SRPK1: variants seen among roughly 807,000 people sequenced by gnomAD.
SRPK1 encodes the protein SFRS protein kinase 1.
Under a neutral mutation model 89.5 loss-of-function variants are expected in SRPK1, and 52 were observed. That is an observed-to-expected ratio of 0.58 (90% CI 0.46 to 0.73). The LOEUF is 0.73. SRPK1 is among the 30% of genes least tolerant of loss of function. SRPK1 has a pLI of 0.00. For missense variants in SRPK1, 603 were observed against 780.6 expected (o/e 0.77, Z 2.71); for synonymous variants, 255 against 270.2 (o/e 0.94, Z 0.55).
At chr6:35,910,930 T>C (rs1770946896) in intron 2 of SRPK1, among the ~76,000 whole-genome samples, 1 of 152,224 alleles carries the variant, frequency 6.6e-6, no homozygotes, top group South Asian at 2.1e-4. Context: ...TTTGAAAATA[T>C]TACTGCTCAT....
intron 15 of SRPK1, among the ~76,000 whole-genome samples, chr6:35,837,265 T>C (rs1218181737): frequency 1.3e-5 from 2 of 152,192 alleles, no homozygotes; most frequent in South Asian, 2.1e-4. Flanking sequence ...GTCACTGGGA[T>C]GCAAAGATGA....
At chr6:35,859,094 A>G (rs545224142) in intron 12 of SRPK1, among the ~76,000 whole-genome samples, 1 of 152,246 alleles carries the variant, frequency 6.6e-6, no homozygotes, top group Non-Finnish European at 1.5e-5. Flanking sequence ...AGCTGAGGAT[A>G]GCCTTAGAGT....
At chr6:35,849,197 A>T (rs1013498162) in intron 13 of SRPK1, among the ~76,000 whole-genome samples, 1 of 152,236 alleles carries the variant, frequency 6.6e-6, no homozygotes, top group Non-Finnish European at 1.5e-5. Context: ...AACATTTCTG[A>T]AAAGAAGACA....
At chr6:35,854,184 C>T (rs1287242133) in intron 13 of SRPK1, among the ~76,000 whole-genome samples, 1 of 152,102 alleles carries the variant, frequency 6.6e-6, no homozygotes, top group Admixed American at 6.5e-5. Flanking sequence ...CTCCTGGCCT[C>T]AAGTAATCTG....
At chr6:35,835,876 CT>C (rs1233803766) in intron 15 of SRPK1, among the ~76,000 whole-genome samples, 1 of 152,086 alleles carries the variant, frequency 6.6e-6, no homozygotes, top group Non-Finnish European at 1.5e-5. Flanking sequence ...TGCTTATACT[CT>C]TTTTTTGTGT....
At chr6:35,853,599 C>T (rs770089694) in intron 13 of SRPK1, among the ~76,000 whole-genome samples, 4 of 152,154 alleles carry the variant, frequency 2.6e-5, no homozygotes, top group African/African-American at 4.8e-5. Flanking sequence ...ACATGCACTT[C>T]ACCCCATGTC....
chr6:35,843,131 G>A (rs1034060469), intron 13 of SRPK1, among the ~76,000 whole-genome samples: 2 of 151,714 alleles, frequency 1.3e-5, no homozygotes, highest in East Asian at 3.9e-4. Flanking sequence ...ACCACGCCCA[G>A]CTAATTTTTT....
chr6:35,887,715 G>GA (rs956988707), intron 5 of SRPK1: 614 of 214,658 alleles, frequency 2.9e-3, no homozygotes, highest in Middle Eastern at 7.7e-3. Context: ...ACCATAGTAG[G>GA]AAAAAAAAAC....
In SRPK1 at chr6:35,915,008, C is replaced by T. The variant is rs372855074; in HGVS notation, c.74+5460G>A. 3.3e-5 allele frequency among the ~76,000 whole-genome samples: 5 copies of T among 152,286 alleles called. No individual in the cohort carries two copies. In the South Asian group the frequency reaches 1.0e-3, roughly 32 times the overall value. ...GCAGGGTTTCACTGTATTGACCAGG[C>T]TGGTCTTGAACTCCTGACCTCAAGT... On this transcript the variant is annotated intron_variant, in intron 2 of 15. Transcript: ENST00000373825.
At chr6:35,867,542 ATGG>A (rs1468436420) in intron 12 of SRPK1, among the ~76,000 whole-genome samples, 1 of 152,194 alleles carries the variant, frequency 6.6e-6, no homozygotes. Flanking sequence ...TTGGTCAGGT[ATGG>A]TGGCTCATGC....
intron 14 of SRPK1, among the ~76,000 whole-genome samples, chr6:35,840,225 TC>T (rs1328773078): frequency 6.6e-6 from 1 of 152,332 alleles, no homozygotes; most frequent in East Asian, 1.9e-4. Flanking sequence ...GCTAGAGACG[TC>T]CATATTATCT....
At chr6:35,891,652 G>A (rs554114177) in intron 2 of SRPK1, among the ~76,000 whole-genome samples, 10 of 151,620 alleles carry the variant, frequency 6.6e-5, no homozygotes, top group Non-Finnish European at 8.8e-5. Flanking sequence ...GCTTGAACCC[G>A]GGAAGTGGAG....
At chr6:35,875,989 C>T (rs1407773417) in intron 6 of SRPK1, among the ~76,000 whole-genome samples, 2 of 149,160 alleles carry the variant, frequency 1.3e-5, no homozygotes, top group East Asian at 2.0e-4. Context: ...ATGTACTATG[C>T]TTGACAAACA....
chr6:35,877,663 A>T (rs1770183016), intron 6 of SRPK1, among the ~76,000 whole-genome samples: 1 of 152,102 alleles, frequency 6.6e-6, no homozygotes, highest in African/African-American at 2.4e-5. Flanking sequence ...CAATATGGTG[A>T]AACTCCATCT....
At chr6:35,870,589 AT>A in intron 9 of SRPK1, 95 bp from the exon 10 acceptor site, 1 of 1,173,118 alleles carries the variant, frequency 8.5e-7, no homozygotes, top group South Asian at 1.6e-5. Flanking sequence ...TCCTAATTAA[AT>A]TTCACAAATC....
intron 2 of SRPK1, among the ~76,000 whole-genome samples, chr6:35,914,578 T>G (rs1771048264): frequency 6.6e-6 from 1 of 152,160 alleles, no homozygotes; most frequent in Admixed American, 6.6e-5. Context: ...CAACCCCCAC[T>G]TATCTTTCTC....
chr6:35,833,728 A>G lies in SRPK1; in HGVS notation c.*1576T>C, dbSNP rs1225224656. 6.6e-6 allele frequency: 1 copy of G among 152,582 alleles called. No individual in the cohort carries two copies. The highest frequency in any genetic ancestry group is 1.5e-5 in the Non-Finnish European group (1 of 68,038). The allele number at this position is 152,582 out of a possible 1,614,324, so 9.5% of individuals were successfully genotyped here. On this transcript the variant is annotated 3_prime_UTR_variant, in exon 16 of 16. Transcript: ENST00000373825. Reference sequence around the variant, plus strand: ...ATAACGGCACCACTTTTCCTTTGTCACTGTGGTGGATAAATGACAAAGTAG... The same window carrying G: ...ATAACGGCACCACTTTTCCTTTGTCGCTGTGGTGGATAAATGACAAAGTAG...
Position 35,835,206 on chromosome 6 carries a change from G to T in SRPK1, c.*98C>A, listed in dbSNP as rs1266786800. On this transcript the variant is annotated 3_prime_UTR_variant, in exon 16 of 16. Coordinates refer to ENST00000373825, the MANE Select transcript of SRPK1 (RefSeq NM_003137.5). ...AAAAAAACAAGATCTAGAAACTCTT[G>T]AAGGAAGAGCTTCACCCTGAAAAGG... 1.8e-6 allele frequency: 2 copies of T among 1,083,968 alleles called. No individual in the cohort carries two copies. Among genetic ancestry groups the T allele is most frequent in the Non-Finnish European group, 2.6e-6 (2 of 774,226 alleles). The allele number at this position is 1,083,968 out of a possible 1,614,324, so 67.1% of individuals were successfully genotyped here. A position where few individuals can be genotyped will look rare whatever the true frequency, so the allele number is the denominator to read the frequency against.
chr6:35,854,177 C>T (rs1769618441), intron 13 of SRPK1, among the ~76,000 whole-genome samples: 1 of 152,116 alleles, frequency 6.6e-6, no homozygotes, highest in Admixed American at 6.6e-5. Context: ...TCTCGAACTC[C>T]TGGCCTCAAG....
Sources: allele counts gnomAD v4.1 joint callset (sites outside exome capture counted in the v4.1 genomes callset), GRCh38; gene constraint gnomAD v4.1.1; transcripts MANE v1.5; gene names NCBI Gene and HGNC (gene_info 2026-07-23, HGNC 2026-07-21).